The following FER1L5 variants were observed in gnomAD, a reference collection of about 807,000 sequenced individuals.
FER1L5 encodes the protein fer-1-like protein 5.
In FER1L5, 187 loss-of-function variants were observed where a neutral mutation model predicts 279.9. The observed-to-expected ratio is 0.67, with a 90% CI of 0.59 to 0.75. The LOEUF is 0.75. Ranked by LOEUF, FER1L5 falls within the 30% of genes least tolerant of loss-of-function variation. The pLI is 0.00. For synonymous variants in FER1L5, 921 were observed against 989.7 expected (o/e 0.93, Z 1.30); for missense variants, 2,091 against 2,594.4 (o/e 0.81, Z 4.21).
At chr2:96,685,890 C>T (rs745667465) in intron 21 of FER1L5, 50 bp from the exon 22 acceptor site, 1 of 1,471,236 alleles carries the variant, frequency 6.8e-7, no homozygotes, top group Non-Finnish European at 9.0e-7. Context: ...AATGGTGACA[C>T]TGGGAGGCAG....
chr2:96,697,653 C>A lies in FER1L5; in HGVS notation c.4135-7C>A, dbSNP rs763728722. 7 of 1,614,032 alleles carry A rather than the reference C, an allele frequency of 4.3e-6. No homozygotes were observed. The South Asian group carries it at 7.7e-5, about 18-fold the overall frequency. ...CCCGAGGCCAGAATGATCCTCTTCT[C>A]TGCCAGGATGAGTATGAGCATGAGG... On this transcript the variant is annotated splice_region_variant and splice_polypyrimidine_tract_variant and intron_variant, in intron 38 of 52. Transcript: ENST00000624922.
Position 96,686,273 on chromosome 2 carries a change from C to T in FER1L5, c.2152C>T (p.His718Tyr). ...AGTGGCCTATGCACAGGTGCCTGCC[C>T]ACTCCGTCCTCTTCTCCCCGGCAGG... ...QRVAYAQVPA[H>Y]SVLFSPAGAL... Residue 718 changes from histidine (H) to tyrosine (Y), a missense_variant, in exon 23 of 53, where the codon CAC (histidine) becomes TAC (tyrosine). Transcript: ENST00000624922. 1 of 1,551,638 alleles carries T rather than the reference C, an allele frequency of 6.4e-7. No individual in the cohort carries two copies. Among genetic ancestry groups the T allele is most frequent in the African/African-American group, 1.4e-5 (1 of 73,188 alleles).
rs1178128716 is a variant in FER1L5 at position 96,702,684 on chromosome 2, G to A, written c.5340G>A (p.Arg1780=). Residue 1780 remains arginine, a synonymous_variant, in exon 48 of 53, where the codon CGG becomes CGA. Transcript: ENST00000624922. The surrounding 1 kb of genome is among the most constrained non-coding windows in gnomAD (Gnocchi z 4.0). Reference sequence around the variant, plus strand: ...CTGGGGAGGCCGACTTCAACTGGCGGTTCATCTTTACCATGGACTACCTGG... The same window carrying A: ...CTGGGGAGGCCGACTTCAACTGGCGATTCATCTTTACCATGGACTACCTGG... The part of the protein sequence containing the change: ...SLTGEADFNW[R]FIFTMDYLAA... 6.2e-7 allele frequency: 1 copy of A among 1,612,610 alleles called. No homozygotes were observed. Among genetic ancestry groups the A allele is most frequent in the African/African-American group, 1.3e-5 (1 of 74,910 alleles).
At chr2:96,652,807 A>G (rs1295804307) in intron 7 of FER1L5, 2 of 152,642 alleles carry the variant, frequency 1.3e-5, no homozygotes, top group Non-Finnish European at 2.9e-5. Context: ...GCAGGGACAG[A>G]GTGGACTGGC....
At chr2:96,679,371 G>A (rs1573893123) in intron 19 of FER1L5, among the ~76,000 whole-genome samples, 1 of 152,118 alleles carries the variant, frequency 6.6e-6, no homozygotes, top group Non-Finnish European at 1.5e-5. Context: ...TTACAGGCGC[G>A]TGTCACCACG....
chr2:96,659,199 CTGGGATT>C (rs2075722221), intron 9 of FER1L5, among the ~76,000 whole-genome samples: 1 of 151,996 alleles, frequency 6.6e-6, no homozygotes, highest in South Asian at 2.1e-4. Flanking sequence ...TCCCAAAGTG[CTGGGATT>C]ACAGGCGTGA....
At chr2:96,699,251 A>C in intron 42 of FER1L5, 115 bp downstream of exon 42, 1 of 1,041,586 alleles carries the variant, frequency 9.6e-7, no homozygotes, top group Non-Finnish European at 1.4e-6. Flanking sequence ...AGTTCCCACC[A>C]CAGCGTCTTA....
chr2:96,693,277 C>T (rs897865539), intron 31 of FER1L5, among the ~76,000 whole-genome samples: 2 of 152,082 alleles, frequency 1.3e-5, no homozygotes, highest in Non-Finnish European at 2.9e-5. Flanking sequence ...GCCCAGGCTT[C>T]AACCCTGGGA....
chr2:96,669,232 GGT>G, intron 17 of FER1L5, 95 bp downstream of exon 17: 1 of 1,236,510 alleles, frequency 8.1e-7, no homozygotes, highest in South Asian at 1.5e-5. Context: ...CCCCGGCCCT[GGT>G]TTCTGTCCCT....
At chr2:96,660,656 G>A (rs944690548) in intron 10 of FER1L5, among the ~76,000 whole-genome samples, 1 of 152,200 alleles carries the variant, frequency 6.6e-6, no homozygotes, top group Non-Finnish European at 1.5e-5. Flanking sequence ...CTGGCTTCAA[G>A]CAATTCTCCT....
rs376255440 is a variant in FER1L5 at position 96,700,319 on chromosome 2, C to G, written c.4931-13C>G. On this transcript the variant is annotated splice_polypyrimidine_tract_variant and intron_variant, in intron 44 of 52. Coordinates refer to ENST00000624922, the MANE Select transcript of FER1L5 (RefSeq NM_001293083.2). ...ACCTCGCAATCCCCTCCTTCCATCC[C>G]CCTCCAATCCAGAGCCCAAAACCCC... The G allele has an allele frequency of 2.1e-4, 346 of 1,611,906 alleles. No homozygotes were observed. The highest frequency in any genetic ancestry group is 7.3e-4 in the Admixed American group (44 of 60,018).
Position 96,698,809 on chromosome 2 carries a change from C to A in FER1L5, c.4495C>A (p.Gln1499Lys). The part of the protein sequence containing the change: ...RVYMVRAINL[Q>K]PQDYNGLCDP... ...GTACATGGTACGAGCCATCAACCTG[C>A]AGCCCCAGGACTACAATGGCCTGGT... Residue 1499 changes from glutamine to lysine, a missense_variant, in exon 41 of 53, where the codon CAG becomes AAG. By Grantham distance (53) the Gln-to-Lys change is moderately conservative (BLOSUM62 1). Transcript: ENST00000624922. The surrounding 1 kb of genome is among the most constrained non-coding windows in gnomAD (Gnocchi z 5.5). The A allele has an allele frequency of 1.9e-6, 3 of 1,564,212 alleles. No individual in the cohort carries two copies. The highest frequency in any genetic ancestry group is 2.6e-6 in the Non-Finnish European group (3 of 1,154,518).
chr2:96,702,873 C>T lies in FER1L5; in HGVS notation c.5398-105C>T. On this transcript the variant is annotated intron_variant, in intron 48 of 52. Coordinates refer to ENST00000624922, the MANE Select transcript of FER1L5 (RefSeq NM_001293083.2). This position sits in a 1 kb window ranked among gnomAD's most constrained non-coding sequence, Gnocchi z 4.0. ...CAGAAACATGTCCTCAGGTGGAAACCCTCTTCCTTGATAGTCTATCACTGC... is the reference window on the plus strand; with the variant it reads ...CAGAAACATGTCCTCAGGTGGAAACTCTCTTCCTTGATAGTCTATCACTGC... 1.3e-6 allele frequency: 2 copies of T among 1,529,576 alleles called. No individual in the cohort carries two copies. Among genetic ancestry groups the T allele is most frequent in the South Asian group, 2.4e-5 (2 of 82,856 alleles). 94.8% of individuals were successfully genotyped at this position (1,529,576 alleles called of 1,614,324 possible). A position where few individuals can be genotyped will look rare whatever the true frequency, so the allele number is the denominator to read the frequency against.
intron 37 of FER1L5, 69 bp from the exon 38 acceptor site, chr2:96,697,457 C>G (rs897201538): frequency 1.3e-6 from 2 of 1,559,062 alleles, no homozygotes; most frequent in East Asian, 2.3e-5. Flanking sequence ...CTCAACCCCC[C>G]TCTCCTCTCT....
intron 50 of FER1L5, 86 bp downstream of exon 50, chr2:96,703,432 C>G: frequency 6.2e-7 from 1 of 1,604,826 alleles, no homozygotes; most frequent in Non-Finnish European, 8.5e-7. Flanking sequence ...AGCTAAATCC[C>G]TTTTCCTTTC....
intron 19 of FER1L5, 122 bp downstream of exon 19, chr2:96,673,376 C>G (rs2076398206): frequency 8.8e-7 from 1 of 1,132,570 alleles, no homozygotes; most frequent in East Asian, 2.6e-5. Flanking sequence ...ATATTTCACA[C>G]ATGAAAAAAT....
At chr2:96,672,944 C>G (rs2076382016) in intron 18 of FER1L5, 133 bp from the exon 19 acceptor site, 1 of 1,166,286 alleles carries the variant, frequency 8.6e-7, no homozygotes, top group Admixed American at 2.7e-5. Context: ...GAGGGAGCCT[C>G]TGAAGGCCTT....
At position 96,659,482 on chromosome 2, in the gene FER1L5, T is replaced by C. The variant is rs1180022103; in HGVS notation, c.748-859T>C. ...CTTTCTTTCTTTCTTTCTTTCTTTC[T>C]TTCTTTCTTTCTTTCTTTCTTTCTT... is the stretch of plus-strand genomic sequence containing the variant. On this transcript the variant is annotated intron_variant, in intron 9 of 52. Coordinates refer to ENST00000624922, the MANE Select transcript of FER1L5 (RefSeq NM_001293083.2). Among the ~76,000 whole-genome samples the C allele has an allele frequency of 5.9e-5, 2 of 33,784 alleles. 1 individual carries two copies. The highest frequency in any genetic ancestry group is 9.0e-5 in the Non-Finnish European group (2 of 22,136). The allele number at this position is 33,784 out of a possible 152,430, so 22.2% of individuals were successfully genotyped here.
chr2:96,683,325 C>A (rs1204293605), intron 19 of FER1L5, among the ~76,000 whole-genome samples: 1 of 152,052 alleles, frequency 6.6e-6, no homozygotes, highest in African/African-American at 2.4e-5. Context: ...TTGCTGTGGT[C>A]CTTGGTGTTC....
Sources: allele counts gnomAD v4.1 joint callset (sites outside exome capture counted in the v4.1 genomes callset), GRCh38; gene constraint gnomAD v4.1.1; non-coding constraint Gnocchi (gnomAD v3.1); transcripts MANE v1.5; gene names NCBI Gene and HGNC (gene_info 2026-07-23, HGNC 2026-07-21).